The following SCN2A variants were observed in gnomAD, a reference collection of about 807,000 sequenced individuals.
The protein encoded by SCN2A is sodium voltage-gated channel alpha subunit 2.
In SCN2A, 20 loss-of-function variants were observed where a neutral mutation model predicts 188.7. The ratio of observed to expected loss-of-function variants is 0.11; its 90% CI spans 0.07 to 0.15. The LOEUF (loss-of-function observed/expected upper bound fraction) is 0.15. SCN2A is among the 10% of genes least tolerant of loss of function. The pLI is 1.00. For missense variants in SCN2A, 1,278 were observed against 2,445.0 expected, an observed-to-expected ratio of 0.52 and a Z score of 10.07; for synonymous variants, 804 against 833.1, an observed-to-expected ratio of 0.97 and a Z score of 0.60.
chr2:165,327,040 C>T (rs1276259632), intron 13 of SCN2A, 56 bp downstream of exon 13: 1 of 1,594,916 alleles, frequency 6.3e-7, no homozygotes, highest in African/African-American at 1.3e-5. Context: ...GATGAAAAAA[C>T]ACTTCATAAA....
intron 5 of SCN2A, 124 bp downstream of exon 5, chr2:165,308,918 C>T: frequency 7.6e-7 from 1 of 1,308,160 alleles, no homozygotes; most frequent in Non-Finnish European, 1.1e-6. Context: ...TAGTTTTCTT[C>T]CAATCAAATT....
chr2:165,360,685 G>A (rs1700415559), intron 17 of SCN2A, among the ~76,000 whole-genome samples: 1 of 151,764 alleles, frequency 6.6e-6, no homozygotes, highest in African/African-American at 2.4e-5. Flanking sequence ...AACTAGGCAA[G>A]GGCTATGCTA....
At chr2:165,340,123 C>T (rs1699230238) in intron 14 of SCN2A, among the ~76,000 whole-genome samples, 1 of 152,102 alleles carries the variant, frequency 6.6e-6, no homozygotes, top group African/African-American at 2.4e-5. Context: ...CGATCTTATG[C>T]CAAGTGCCAG....
intron 12 of SCN2A, among the ~76,000 whole-genome samples, chr2:165,323,924 A>G (rs1698215441): frequency 6.6e-6 from 1 of 152,244 alleles, no homozygotes; most frequent in Non-Finnish European, 1.5e-5. Flanking sequence ...TACTATTACT[A>G]AATAGATTTA....
In SCN2A at chr2:165,375,003, T is replaced by C. The variant is rs770660489; in HGVS notation, c.4254+37T>C. 34 of 1,576,730 alleles carry C rather than the reference T, an allele frequency of 2.2e-5. No individual in the cohort carries two copies. In the East Asian group the frequency reaches 4.7e-4, roughly 22 times the overall value. On this transcript the variant is annotated intron_variant, in intron 22 of 26. Transcript: ENST00000375437. Reference sequence around the variant, plus strand: ...CTTTATTATTTTCCATGATGTGTAATTAAAATGAGTCTAAAGTTTTTCTTC... The same window carrying C: ...CTTTATTATTTTCCATGATGTGTAACTAAAATGAGTCTAAAGTTTTTCTTC...
intron 1 of SCN2A, among the ~76,000 whole-genome samples, chr2:165,291,436 C>CTCTTTCTTTCTTTCTTTCTTTCTTTCTT (rs1220470911): frequency 6.1e-5 from 4 of 65,406 alleles, no homozygotes; most frequent in Non-Finnish European, 9.3e-5. Flanking sequence ...GTCTTTCTTT[C>CTCTTTCTTTCTTTCTTTCTTTCTTTCTT]TCTTTCTTTC....
intron 1 of SCN2A, among the ~76,000 whole-genome samples, chr2:165,291,386 TCC>T (rs1559339841): frequency 1.4e-5 from 2 of 142,748 alleles, no homozygotes; most frequent in Non-Finnish European, 3.1e-5. Flanking sequence ...CTTCCTTCCT[TCC>T]TTCCTTCCTT....
chr2:165,267,262 T>C (rs925421951), intron 1 of SCN2A: 11 of 152,026 alleles, frequency 7.2e-5, no homozygotes, highest in Admixed American at 3.9e-4. Flanking sequence ...TACAAAGTTG[T>C]AGTGATCAAA....
intron 1 of SCN2A, among the ~76,000 whole-genome samples, chr2:165,293,328 A>G (rs1393550458): frequency 2.6e-5 from 4 of 152,134 alleles, no homozygotes; most frequent in Non-Finnish European, 5.9e-5. Flanking sequence ...TTAAGGACCA[A>G]GATATATTCT....
intron 1 of SCN2A, among the ~76,000 whole-genome samples, chr2:165,252,280 G>T (rs550123482): frequency 6.6e-6 from 1 of 152,084 alleles, no homozygotes; most frequent in South Asian, 2.1e-4. Flanking sequence ...TTTGGAAAAA[G>T]TATAGAGGGG....
rs1341769444 is a variant in SCN2A, at chr2:165,292,731, G to T, written c.-51-3042G>T. Among the ~76,000 whole-genome samples the T allele has an allele frequency of 3.9e-5, 6 of 152,148 alleles. No individual in the cohort carries two copies. The East Asian group carries it at 5.8e-4, about 15-fold the overall frequency. On this transcript the variant is annotated intron_variant, in intron 1 of 26. Coordinates refer to ENST00000375437, the MANE Select transcript of SCN2A (RefSeq NM_001040142.2). ...TTTTTATGATTGAGTAATGATCACA[G>T]ATTTTTGCTATCAGATTTTGAGTTT...
intron 1 of SCN2A, chr2:165,266,866 C>T (rs1316490683): frequency 6.6e-6 from 1 of 151,928 alleles, no homozygotes; most frequent in Non-Finnish European, 1.5e-5. Context: ...TGTTTCTAAA[C>T]ACTAAGAATC....
At chr2:165,291,494 T>TTTCCTTCTTTC (rs1559340326) in intron 1 of SCN2A, among the ~76,000 whole-genome samples, 1 of 36,600 alleles carries the variant, frequency 2.7e-5, no homozygotes, top group African/African-American at 1.0e-4. Context: ...TTCTTTCTTT[T>TTTCCTTCTTTC]CTTTCTTTCT....
At chr2:165,329,249 C>T (rs1469725538) in intron 13 of SCN2A, among the ~76,000 whole-genome samples, 2 of 151,988 alleles carry the variant, frequency 1.3e-5, no homozygotes, top group Non-Finnish European at 2.9e-5. Context: ...GAACCATTTG[C>T]GTTTCAAATT....
chr2:165,347,256 G>T (rs1467970113), intron 16 of SCN2A, among the ~76,000 whole-genome samples: 1 of 152,150 alleles, frequency 6.6e-6, no homozygotes, highest in Non-Finnish European at 1.5e-5. Flanking sequence ...GAAATACTAT[G>T]CAGCCATAAA....
chr2:165,287,866 G>T (rs353137), intron 1 of SCN2A, among the ~76,000 whole-genome samples: 2 of 152,038 alleles, frequency 1.3e-5, no homozygotes, highest in African/African-American at 4.8e-5. Flanking sequence ...GGATGTTTTT[G>T]GTATCTGCTG....
chr2:165,355,198 T>C (rs1190938880), intron 17 of SCN2A, among the ~76,000 whole-genome samples: 5 of 152,230 alleles, frequency 3.3e-5, no homozygotes, highest in African/African-American at 1.2e-4. Context: ...TTATCTTTCC[T>C]GAAGTCAGTC....
At chr2:165,287,638 G>A (rs1371120871) in intron 1 of SCN2A, among the ~76,000 whole-genome samples, 1 of 152,108 alleles carries the variant, frequency 6.6e-6, no homozygotes, top group Non-Finnish European at 1.5e-5. Flanking sequence ...TCCTGAGGGA[G>A]GGGCTCTCTA....
chr2:165,350,728 C>T (rs1166762511), intron 16 of SCN2A, among the ~76,000 whole-genome samples: 1 of 136,388 alleles, frequency 7.3e-6, no homozygotes, highest in Non-Finnish European at 1.6e-5. Context: ...CGAGGCCTCC[C>T]AAAGTGCTGG....
Sources: gnomAD v4.1 joint callset for allele counts (sites outside exome capture counted in the v4.1 genomes callset) on GRCh38, gnomAD v4.1.1 for gene constraint, MANE v1.5 for transcripts, NCBI Gene and HGNC (gene_info 2026-07-23, HGNC 2026-07-21) for gene names.